The following DLC1 variants were observed in gnomAD, a reference collection of about 807,000 sequenced individuals.
DLC1 encodes DLC1 Rho GTPase activating protein, also known as rho GTPase-activating protein 7.
DLC1 carries 54 observed loss-of-function variants against 140.3 expected under a neutral mutation model. That is an observed-to-expected ratio of 0.38 (90% CI 0.31 to 0.48). The LOEUF (loss-of-function observed/expected upper bound fraction) is 0.48. Among genes scored for constraint, DLC1 ranks in the 20% least tolerant of loss-of-function variants. The pLI, the probability that DLC1 is intolerant of heterozygous loss-of-function variation, is 0.96. For missense variants in DLC1, 2,536 were observed against 1,907.0 expected (o/e 1.33, Z -6.14); for synonymous variants, 986 against 728.1 (o/e 1.35, Z -5.70).
chr8:13,220,732 C>A (rs1161354826), intron 5 of DLC1, among the ~76,000 whole-genome samples: 1 of 152,178 alleles, frequency 6.6e-6, no homozygotes, highest in South Asian at 2.1e-4. Flanking sequence ...CAAAGTAAAT[C>A]CATACATCAT....
At chr8:13,146,258 G>C (rs1231007391) in intron 5 of DLC1, among the ~76,000 whole-genome samples, 1 of 141,838 alleles carries the variant, frequency 7.1e-6, no homozygotes, top group Admixed American at 7.2e-5. Context: ...CTGGGCAACA[G>C]AGCAAGACTC....
At chr8:13,252,639 T>A (rs939897241) in intron 5 of DLC1, among the ~76,000 whole-genome samples, 1 of 152,206 alleles carries the variant, frequency 6.6e-6, no homozygotes, top group African/African-American at 2.4e-5. Flanking sequence ...TAGAAATCTT[T>A]CTCAGTAAGA....
chr8:13,548,432 T>C (rs7012701), intron 1 of DLC1, among the ~76,000 whole-genome samples: 41,423 of 151,910 alleles, frequency 0.27, 6,070 homozygotes, highest in South Asian at 0.39. Flanking sequence ...AGAGGTGGAA[T>C]TTGGAGAGAT....
chr8:13,512,660 C>T (rs1468211089), intron 1 of DLC1, among the ~76,000 whole-genome samples: 2 of 151,970 alleles, frequency 1.3e-5, no homozygotes, highest in African/African-American at 2.4e-5. Flanking sequence ...GAAAGGATGC[C>T]TGGGGGTGGT....
chr8:13,283,753 G>A (rs997329260), intron 5 of DLC1, among the ~76,000 whole-genome samples: 4 of 152,096 alleles, frequency 2.6e-5, no homozygotes, highest in Admixed American at 6.5e-5. Flanking sequence ...GGGCTCAAAC[G>A]ATTCTCCCGC....
intron 1 of DLC1, chr8:13,557,654 A>G (rs1483161615): frequency 6.6e-6 from 1 of 152,302 alleles, no homozygotes; most frequent in Non-Finnish European, 1.5e-5. Context: ...CACCTTGTGA[A>G]GAAGGTGCCT....
intron 5 of DLC1, among the ~76,000 whole-genome samples, chr8:13,283,402 T>TA (rs1389292486): frequency 6.6e-6 from 1 of 152,148 alleles, no homozygotes; most frequent in Admixed American, 6.5e-5. Flanking sequence ...GAGAAGGTTT[T>TA]AAAAAAATAG....
intron 10 of DLC1, among the ~76,000 whole-genome samples, chr8:13,097,594 C>T (rs975668395): frequency 3.9e-5 from 6 of 152,060 alleles, no homozygotes; most frequent in African/African-American, 7.2e-5. Flanking sequence ...GGCATGAATA[C>T]GGTTATAAGA....
intron 1 of DLC1, among the ~76,000 whole-genome samples, chr8:13,504,117 G>A (rs898186111): frequency 2.2e-5 from 3 of 136,674 alleles, no homozygotes; most frequent in African/African-American, 8.4e-5. Context: ...AAACATTTCA[G>A]AGAATTTTTT....
intron 1 of DLC1, among the ~76,000 whole-genome samples, chr8:13,570,412 A>G (rs376501296): frequency 8.9e-5 from 13 of 146,808 alleles, no homozygotes; most frequent in African/African-American, 3.0e-4. Context: ...GTCATCTAGC[A>G]TTAGGTATAT....
At chr8:13,325,511 T>C (rs949975732) in intron 4 of DLC1, among the ~76,000 whole-genome samples, 2 of 151,894 alleles carry the variant, frequency 1.3e-5, no homozygotes, top group African/African-American at 4.8e-5. Context: ...TATGCTGGTG[T>C]AAAATATAAA....
chr8:13,413,844 T>C (rs1837922488), intron 2 of DLC1, among the ~76,000 whole-genome samples: 1 of 152,100 alleles, frequency 6.6e-6, no homozygotes, highest in Non-Finnish European at 1.5e-5. Flanking sequence ...GCCCCTTTCT[T>C]TATAAATTAC....
intron 5 of DLC1, among the ~76,000 whole-genome samples, chr8:13,185,376 T>G (rs915801361): frequency 6.6e-6 from 1 of 151,638 alleles, no homozygotes; most frequent in African/African-American, 2.4e-5. Flanking sequence ...GGTGCCATCT[T>G]GGCTCACTGA....
chr8:13,252,053 A>T (rs1448346738), intron 5 of DLC1, among the ~76,000 whole-genome samples: 1 of 152,190 alleles, frequency 6.6e-6, no homozygotes, highest in Non-Finnish European at 1.5e-5. Flanking sequence ...TTGTGGAGCA[A>T]GTGACCTTTA....
intron 4 of DLC1, among the ~76,000 whole-genome samples, chr8:13,382,078 A>G (rs77527718): frequency 0.023 from 3,543 of 152,266 alleles, 74 homozygotes; most frequent in South Asian, 0.085. Context: ...TCTTATTTAG[A>G]GGAAAAAATT....
At chr8:13,474,633 G>A (rs186327509) in intron 2 of DLC1, among the ~76,000 whole-genome samples, 24 of 152,308 alleles carry the variant, frequency 1.6e-4, no homozygotes, top group East Asian at 3.9e-4. Flanking sequence ...CCACATGGGC[G>A]GAGCCACACG....
At chr8:13,091,969 G>A (rs1264946758) in intron 13 of DLC1, among the ~76,000 whole-genome samples, 7 of 152,132 alleles carry the variant, frequency 4.6e-5, no homozygotes, top group Non-Finnish European at 8.8e-5. Flanking sequence ...AAATGTGGCC[G>A]GGCGCAGTGG....
chr8:13,442,740 T>A (rs1798579728), intron 2 of DLC1, among the ~76,000 whole-genome samples: 1 of 152,200 alleles, frequency 6.6e-6, no homozygotes, highest in South Asian at 2.1e-4. Flanking sequence ...ATAGGAACAC[T>A]TTTACACTGT....
Position 13,150,923 on chromosome 8 carries a change from A to C in DLC1, c.1349-35266T>G, listed in dbSNP as rs969059157. ...GTAATAGTGAAGCTCAGATGTTTTA[A>C]AGAAATACAACTTGCTACATTCTAT... On this transcript the variant is annotated intron_variant, in intron 5 of 17. Coordinates refer to ENST00000276297, the MANE Select transcript of DLC1 (RefSeq NM_182643.3). 6.6e-5 allele frequency among the ~76,000 whole-genome samples: 10 copies of C among 152,380 alleles called. No individual in the cohort carries two copies. The East Asian group carries it at 1.9e-3, about 29-fold the overall frequency.
Sources: allele counts gnomAD v4.1 joint callset (sites outside exome capture counted in the v4.1 genomes callset), GRCh38; gene constraint gnomAD v4.1.1; transcripts MANE v1.5; gene names NCBI Gene and HGNC (gene_info 2026-07-23, HGNC 2026-07-21).